WASL: variants seen among roughly 807,000 people sequenced by gnomAD.
WASL encodes actin nucleation-promoting factor WASL.
In WASL, 20 loss-of-function variants were observed where a neutral mutation model predicts 55.5. That is an observed-to-expected ratio of 0.36 (90% confidence interval 0.25 to 0.52). The LOEUF (loss-of-function observed/expected upper bound fraction) is 0.52. Ranked by LOEUF, WASL falls within the 20% of genes least tolerant of loss-of-function variation. The pLI is 0.92. For missense variants in WASL, 504 were observed against 622.5 expected (o/e 0.81, Z 2.03); for synonymous variants, 249 against 217.6 (o/e 1.14, Z -1.27).
chr7:123,710,726 ATAACT>A (rs1189085334), intron 1 of WASL, among the ~76,000 whole-genome samples: 1 of 152,092 alleles, frequency 6.6e-6, no homozygotes, highest in East Asian at 2.0e-4. Context: ...AAAAATTATG[ATAACT>A]TAAAAACAAA....
chr7:123,710,394 T>G (rs962930693), intron 1 of WASL, among the ~76,000 whole-genome samples: 2 of 151,946 alleles, frequency 1.3e-5, no homozygotes, highest in Non-Finnish European at 2.9e-5. Context: ...TTCAACGGAA[T>G]TTGGGCTCTG....
chr7:123,729,339 A>G (rs1036790754), intron 1 of WASL, among the ~76,000 whole-genome samples: 1 of 152,182 alleles, frequency 6.6e-6, no homozygotes, highest in Non-Finnish European at 1.5e-5. Context: ...TTACATTTCA[A>G]TTGCTCAATA....
At chr7:123,717,266 C>A (rs1021911608) in intron 1 of WASL, among the ~76,000 whole-genome samples, 4 of 152,182 alleles carry the variant, frequency 2.6e-5, no homozygotes, top group Non-Finnish European at 5.9e-5. Context: ...AAGAGGTGAA[C>A]TTACCATGAA....
At position 123,684,155 on chromosome 7, in the gene WASL, G is replaced by A. The variant is rs1803248000; in HGVS notation, c.*364C>T. ...TTTTTTTTAAGAAAATTTAGGTACA[G>A]AAAAAGTAGGGTATGAAAATAGTGT... On this transcript the variant is annotated 3_prime_UTR_variant, in exon 11 of 11. Coordinates refer to ENST00000223023, the MANE Select transcript of WASL (RefSeq NM_003941.4). The A allele has an allele frequency of 6.6e-6, 1 of 152,198 alleles. No homozygotes were observed. The highest frequency in any genetic ancestry group is 1.5e-5 in the Non-Finnish European group (1 of 68,146). The allele number at this position is 152,198 out of a possible 1,614,324, so 9.4% of individuals were successfully genotyped here. A position where few individuals can be genotyped will look rare whatever the true frequency, so the allele number is the denominator to read the frequency against.
chr7:123,741,787 C>G (rs539553233), intron 1 of WASL, among the ~76,000 whole-genome samples: 13 of 152,242 alleles, frequency 8.5e-5, no homozygotes, highest in African/African-American at 3.1e-4. Context: ...CTATAGAAGA[C>G]TAGAATACTG....
chr7:123,732,480 G>A (rs904154908), intron 1 of WASL, among the ~76,000 whole-genome samples: 2 of 152,138 alleles, frequency 1.3e-5, no homozygotes, highest in African/African-American at 4.8e-5. Flanking sequence ...TTCCTGGAAA[G>A]ACACGATCTA....
rs968463328 is a variant in WASL, at chr7:123,692,195, C to T, written c.1347+152G>A. On this transcript the variant is annotated intron_variant, in intron 9 of 10. Coordinates refer to ENST00000223023, the MANE Select transcript of WASL (RefSeq NM_003941.4). ...CTGAATTAAAAATTTGTGCATGTCA[C>T]TGCATGTAAAAGTATTTTTAAATTT... 8 of 1,090,964 alleles carry T rather than the reference C, an allele frequency of 7.3e-6. No homozygotes were observed. The African/African-American group carries it at 1.1e-4, about 15-fold the overall frequency. The allele number at this position is 1,090,964 out of a possible 1,614,324, so 67.6% of individuals were successfully genotyped here.
At chr7:123,738,106 C>T (rs892485567) in intron 1 of WASL, among the ~76,000 whole-genome samples, 6 of 152,034 alleles carry the variant, frequency 3.9e-5, no homozygotes, top group Non-Finnish European at 7.4e-5. Flanking sequence ...ATGAATTGAA[C>T]AATAAGATGT....
In WASL at chr7:123,696,458, C is replaced by A. The variant is rs1455081416; in HGVS notation, c.629+121G>T. The A allele has an allele frequency of 5.7e-6, 5 of 874,794 alleles. No homozygotes were observed. The East Asian group carries it at 1.6e-4, about 29-fold the overall frequency. The allele number at this position is 874,794 out of a possible 1,614,324, so 54.2% of individuals were successfully genotyped here. ...ATAAAGTACATAGTTAAAACGGTATCCAAGTGATGAATGTACACACCCTCC... is the reference window on the plus strand; with the variant it reads ...ATAAAGTACATAGTTAAAACGGTATACAAGTGATGAATGTACACACCCTCC... On this transcript the variant is annotated intron_variant, in intron 6 of 10. Coordinates refer to ENST00000223023, the MANE Select transcript of WASL (RefSeq NM_003941.4).
chr7:123,723,833 A>G (rs891648201), intron 1 of WASL, among the ~76,000 whole-genome samples: 38 of 152,318 alleles, frequency 2.5e-4, no homozygotes, highest in African/African-American at 8.7e-4. Context: ...TCTGGTAGCC[A>G]AAAAATTCCT....
chr7:123,682,574 A>G lies in WASL; in HGVS notation c.*1945T>C, dbSNP rs545487851. ...CTGGAAAATCTAGAATTTCTTGGCCACAAGTTAAGAGAGATCTTAAATTGG... is the reference window on the plus strand; with the variant it reads ...CTGGAAAATCTAGAATTTCTTGGCCGCAAGTTAAGAGAGATCTTAAATTGG... On this transcript the variant is annotated 3_prime_UTR_variant, in exon 11 of 11. Coordinates refer to ENST00000223023, the MANE Select transcript of WASL (RefSeq NM_003941.4). 2 of 152,296 alleles carry G rather than the reference A, an allele frequency of 1.3e-5. No individual in the cohort carries two copies. Among genetic ancestry groups the G allele is most frequent in the African/African-American group, 4.8e-5 (2 of 41,572 alleles). 9.4% of individuals were successfully genotyped at this position (152,296 alleles called of 1,614,324 possible). A position where few individuals can be genotyped will look rare whatever the true frequency, so the allele number is the denominator to read the frequency against.
chr7:123,692,406 A>T lies in WASL; in HGVS notation c.1288T>A (p.Ser430Thr). 1 of 1,613,812 alleles carries T rather than the reference A, an allele frequency of 6.2e-7. No homozygotes were observed. The highest frequency in any genetic ancestry group is 8.5e-7 in the Non-Finnish European group (1 of 1,180,008). The change falls in exon 9 of 11, where the codon TCC (serine) becomes ACC (threonine). Residue 430 changes from serine (S) to threonine (T), a missense_variant. Around this residue, in one of 5 missense-constraint regions of WASL, gnomAD observed 201 missense variants for 206.2 expected, o/e 0.97. Coordinates refer to ENST00000223023, the MANE Select transcript of WASL (RefSeq NM_003941.4). ...AACAGTGCATCTCGTCCAGAGCAGGACACTGGCCGACTGTTCTGCTCCACT... is the reference window on the plus strand; with the variant it reads ...AACAGTGCATCTCGTCCAGAGCAGGTCACTGGCCGACTGTTCTGCTCCACT... Reference protein sequence around the residue: ...KKVEQNSRPVSCSGRDALLDQ... With the variant: ...KKVEQNSRPVTCSGRDALLDQ...
At chr7:123,689,200 T>C (rs1204058134) in intron 9 of WASL, 50 bp from the exon 10 acceptor site, 2 of 1,488,650 alleles carry the variant, frequency 1.3e-6, no homozygotes, top group Non-Finnish European at 9.3e-7. Flanking sequence ...TAGCCAAGAA[T>C]CTTTGTCTCC....
At chr7:123,695,252 C>A (rs1207423798) in intron 7 of WASL, among the ~76,000 whole-genome samples, 1 of 152,112 alleles carries the variant, frequency 6.6e-6, no homozygotes, top group Non-Finnish European at 1.5e-5. Context: ...GCACCTTGCA[C>A]AATGCCCAGC....
At chr7:123,698,770 G>A (rs1037492089) in intron 5 of WASL, among the ~76,000 whole-genome samples, 1 of 152,164 alleles carries the variant, frequency 6.6e-6, no homozygotes, top group Non-Finnish European at 1.5e-5. Flanking sequence ...TGACCTGAAA[G>A]GGTGATTAGG....
Position 123,684,488 on chromosome 7 carries a change from T to G in WASL, c.*31A>C. 1.8e-6 allele frequency: 1 copy of G among 549,090 alleles called. No individual in the cohort carries two copies. The highest frequency in any genetic ancestry group is 2.9e-6 in the Non-Finnish European group (1 of 345,856). The allele number at this position is 549,090 out of a possible 1,614,324, so 34.0% of individuals were successfully genotyped here. A position where few individuals can be genotyped will look rare whatever the true frequency, so the allele number is the denominator to read the frequency against. On this transcript the variant is annotated 3_prime_UTR_variant, in exon 11 of 11. Transcript: ENST00000223023. The stretch of plus-strand genomic sequence containing the variant: ...GAAAGTAGTGTTTAGTATTTCACCT[T>G]AAAAATATATATATATATATAATAT...
chr7:123,694,709 A>G lies in WASL; in HGVS notation c.826+6T>C, dbSNP rs1301339107. 1 of 1,612,136 alleles carries G rather than the reference A, an allele frequency of 6.2e-7. No homozygotes were observed. The stretch of plus-strand genomic sequence containing the variant: ...AAACAGAACGCTGAATAGAGATAAA[A>G]GTTACCTTGCCTCCGCAGTTCATTT... On this transcript the variant is annotated splice_donor_region_variant and intron_variant, in intron 8 of 10. Coordinates refer to ENST00000223023, the MANE Select transcript of WASL (RefSeq NM_003941.4).
intron 5 of WASL, 103 bp downstream of exon 5, chr7:123,704,531 C>T: frequency 1.1e-6 from 1 of 908,712 alleles, no homozygotes; most frequent in East Asian, 2.9e-5. Flanking sequence ...CAAGGATTAA[C>T]ATGTAAAAGA....
At chr7:123,739,191 G>A (rs1310836904) in intron 1 of WASL, among the ~76,000 whole-genome samples, 2 of 152,022 alleles carry the variant, frequency 1.3e-5, no homozygotes, top group African/African-American at 2.4e-5. Flanking sequence ...TTACTTTCTA[G>A]GGAATAAAGT....
Sources: gnomAD v4.1 joint callset for allele counts (sites outside exome capture counted in the v4.1 genomes callset) on GRCh38, gnomAD v4.1.1 for gene constraint, gnomAD v4.1.1 regional missense constraint, MANE v1.5 for transcripts, NCBI Gene and HGNC (gene_info 2026-07-23, HGNC 2026-07-21) for gene names.